PLSCR4: variants seen among roughly 807,000 people sequenced by gnomAD.
PLSCR4 encodes Ca(2+)-dependent phospholipid scramblase 4.
A neutral mutation model predicts 36.3 loss-of-function variants in PLSCR4; 25 were observed. The observed-to-expected ratio is 0.69, with a 90% CI of 0.50 to 0.96. The LOEUF is 0.96. PLSCR4 is among the 40% of genes least tolerant of loss of function. The pLI, the probability that PLSCR4 is intolerant of heterozygous loss-of-function variation, is 0.00. For synonymous variants in PLSCR4, 122 were observed against 132.9 expected (o/e 0.92, Z 0.56); for missense variants, 408 against 414.7 (o/e 0.98, Z 0.14).
At chr3:146,244,068 G>A (rs77506954) in intron 1 of PLSCR4, among the ~76,000 whole-genome samples, 2,554 of 152,166 alleles carry the variant, frequency 0.017, 78 homozygotes, top group African/African-American at 0.058. Context: ...GCACTTATTT[G>A]TGAGTAATGT....
rs2033555668 is a variant in PLSCR4 at position 146,193,877 on chromosome 3, T to C, written c.*534A>G. The C allele has an allele frequency of 6.6e-6, 1 of 152,266 alleles. No homozygotes were observed. The highest frequency in any genetic ancestry group is 2.4e-5 in the African/African-American group (1 of 41,476). The allele number at this position is 152,266 out of a possible 1,614,324, so 9.4% of individuals were successfully genotyped here. ...CTTTGCAGAATGAGGTTTTGATATA[T>C]GTGTACAAGTAGTACCTTCTTAGTG... On this transcript the variant is annotated 3_prime_UTR_variant, in exon 9 of 9. Coordinates refer to ENST00000354952, the MANE Select transcript of PLSCR4 (RefSeq NM_020353.3).
chr3:146,221,500 G>C (rs1482558358), intron 2 of PLSCR4, among the ~76,000 whole-genome samples: 1 of 152,098 alleles, frequency 6.6e-6, no homozygotes, highest in Non-Finnish European at 1.5e-5. Context: ...TGCTGCAAGG[G>C]AGGTACTGAA....
At chr3:146,225,806 T>C (rs560762656) in intron 1 of PLSCR4, among the ~76,000 whole-genome samples, 1 of 152,190 alleles carries the variant, frequency 6.6e-6, no homozygotes, top group East Asian at 1.9e-4. Context: ...CTGGCGCCTC[T>C]CCCTCCACAC....
chr3:146,207,630 A>C (rs990216409), intron 3 of PLSCR4, among the ~76,000 whole-genome samples: 11 of 151,968 alleles, frequency 7.2e-5, no homozygotes, highest in Non-Finnish European at 1.3e-4. Flanking sequence ...CTTTTGATTT[A>C]ATTTTCTCTG....
At chr3:146,241,142 T>TTATA (rs1337871959) in intron 1 of PLSCR4, among the ~76,000 whole-genome samples, 2 of 152,160 alleles carry the variant, frequency 1.3e-5, no homozygotes, top group African/African-American at 4.8e-5. Context: ...ATAGGCAAGT[T>TTATA]TATAAAGGCA....
chr3:146,209,110 C>G (rs2034490214), intron 3 of PLSCR4, among the ~76,000 whole-genome samples: 1 of 152,090 alleles, frequency 6.6e-6, no homozygotes, highest in Non-Finnish European at 1.5e-5. Flanking sequence ...GCATTCACAG[C>G]AACCTGGATG....
Position 146,206,759 on chromosome 3 carries a change from G to A in PLSCR4, c.121C>T (p.Pro41Ser). ...GGTGGAGGGACAGCTGTTCCAGGGG[G>A]TCCTGTGTTCAAAAGAAATCAAAGT... ...PEYNSHFLPG[P>S]PGTAVPPPTG... The change falls in exon 4 of 9, where the codon CCC (proline) becomes TCC (serine). Residue 41 changes from proline to serine, a missense_variant and splice_region_variant. Physicochemically the swap from Pro to Ser is moderately conservative, Grantham distance 74. Transcript: ENST00000354952. 1.3e-6 allele frequency: 2 copies of A among 1,570,542 alleles called. No homozygotes were observed. Among genetic ancestry groups the A allele is most frequent in the South Asian group, 1.1e-5 (1 of 87,394 alleles).
At chr3:146,242,426 G>T (rs2036190330) in intron 1 of PLSCR4, among the ~76,000 whole-genome samples, 1 of 152,046 alleles carries the variant, frequency 6.6e-6, no homozygotes, top group Admixed American at 6.6e-5. Flanking sequence ...AGCAACTGGG[G>T]TCATGGGTGA....
chr3:146,197,099 G>A lies in PLSCR4; in HGVS notation c.625-306C>T, dbSNP rs372926804. On this transcript the variant is annotated intron_variant, in intron 6 of 8. Transcript: ENST00000354952. Reference sequence around the variant, plus strand: ...ATAAACAGCTGATATTTATAACTCTGAAAAATATAAGTATTTTAATCTCCA... The same window carrying A: ...ATAAACAGCTGATATTTATAACTCTAAAAAATATAAGTATTTTAATCTCCA... Among the ~76,000 whole-genome samples the A allele has an allele frequency of 9.2e-5, 14 of 152,148 alleles. No individual in the cohort carries two copies. The East Asian group carries it at 2.3e-3, about 25-fold the overall frequency.
chr3:146,213,153 T>G (rs1405760887), intron 3 of PLSCR4, among the ~76,000 whole-genome samples: 1 of 152,122 alleles, frequency 6.6e-6, no homozygotes, highest in African/African-American at 2.4e-5. Context: ...AGTCCGATTC[T>G]ATATTTATTA....
At chr3:146,236,476 AG>A (rs2035923037) in intron 1 of PLSCR4, among the ~76,000 whole-genome samples, 1 of 152,066 alleles carries the variant, frequency 6.6e-6, no homozygotes, top group African/African-American at 2.4e-5. Flanking sequence ...TTGAATTCCC[AG>A]GTGTTGTGGG....
intron 3 of PLSCR4, among the ~76,000 whole-genome samples, chr3:146,215,303 C>T (rs9850566): frequency 0.75 from 114,165 of 151,588 alleles, 43,104 homozygotes; most frequent in South Asian, 0.82. Flanking sequence ...GTTACTTATA[C>T]ATAAATATAT....
Position 146,212,348 on chromosome 3 carries a change from T to C in PLSCR4, c.119-5587A>G, listed in dbSNP as rs150466503. On this transcript the variant is annotated intron_variant, in intron 3 of 8. Transcript: ENST00000354952. The stretch of plus-strand genomic sequence containing the variant: ...CATTGTTAATATATAGAAATACTTT[T>C]GGATTTCTGTATTATGATCTTATAT... 5.6e-3 allele frequency among the ~76,000 whole-genome samples: 848 copies of C among 152,154 alleles called. 7 individuals are homozygous for C. Among genetic ancestry groups the C allele is most frequent in the African/African-American group, 0.017 (726 of 41,562 alleles).
intron 1 of PLSCR4, among the ~76,000 whole-genome samples, chr3:146,233,083 C>A (rs11915448): frequency 0.79 from 120,148 of 151,964 alleles, 48,246 homozygotes; most frequent in Non-Finnish European, 0.86. Flanking sequence ...AGTTTCAATT[C>A]TTTAAAAGCT....
At chr3:146,239,636 C>A (rs2036064307) in intron 1 of PLSCR4, among the ~76,000 whole-genome samples, 1 of 151,996 alleles carries the variant, frequency 6.6e-6, no homozygotes, top group African/African-American at 2.4e-5. Context: ...GTAATCCCAG[C>A]ACTTTGGGAG....
chr3:146,239,902 T>G (rs1006827669), intron 1 of PLSCR4, among the ~76,000 whole-genome samples: 3 of 148,970 alleles, frequency 2.0e-5, no homozygotes, highest in African/African-American at 7.7e-5. Context: ...AAAAAAAAAA[T>G]ACTTAAATGC....
intron 4 of PLSCR4, among the ~76,000 whole-genome samples, chr3:146,202,180 C>G (rs532424613): frequency 6.6e-6 from 1 of 151,804 alleles, no homozygotes; most frequent in South Asian, 2.1e-4. Flanking sequence ...TCATAAAATA[C>G]CAAAAGTGAC....
Position 146,194,442 on chromosome 3 carries a change from A to G in PLSCR4, c.959T>C (p.Phe320Ser), listed in dbSNP as rs2033598447. The G allele has an allele frequency of 1.3e-6, 2 of 1,599,314 alleles. No homozygotes were observed. Among genetic ancestry groups the G allele is most frequent in the Non-Finnish European group, 1.7e-6 (2 of 1,166,982 alleles). ...TGAACGTTGTGGTGGAGATCTTTCA[A>G]AATACATGAAGTCCTGAAATTGGAA... ...GACFLIDFMY[F>S]ERSPPQRSR is the part of the protein sequence containing the mutation. Residue 320 changes from phenylalanine to serine, a missense_variant, in exon 9 of 9, where the codon TTT becomes TCT. Coordinates refer to ENST00000354952, the MANE Select transcript of PLSCR4 (RefSeq NM_020353.3).
At chr3:146,250,206 A>G (rs2036491111) in intron 1 of PLSCR4, among the ~76,000 whole-genome samples, 1 of 152,232 alleles carries the variant, frequency 6.6e-6, no homozygotes, top group Non-Finnish European at 1.5e-5. Flanking sequence ...GCAGATAGAC[A>G]GATGGAGGTT....
Sources: allele counts gnomAD v4.1 joint callset (sites outside exome capture counted in the v4.1 genomes callset), GRCh38; gene constraint gnomAD v4.1.1; transcripts MANE v1.5; gene names NCBI Gene and HGNC (gene_info 2026-07-23, HGNC 2026-07-21).